DECR1: variants seen among roughly 807,000 people sequenced by gnomAD.
The protein encoded by DECR1 is 2,4-dienoyl-CoA reductase 1, also known as 2,4-dienoyl-CoA reductase [(3E)-enoyl-CoA-producing], mitochondrial.
DECR1 carries 44 observed loss-of-function variants against 38.8 expected under a neutral mutation model. The observed-to-expected ratio is 1.13, with a 90% CI of 0.89 to 1.46. The LOEUF is 1.46. Among genes scored for constraint, DECR1 ranks in the 40% most tolerant of loss-of-function variants. The pLI, the probability that DECR1 is intolerant of heterozygous loss-of-function variation, is 0.00. For synonymous variants in DECR1, 148 were observed against 135.2 expected (o/e 1.09, Z -0.66); for missense variants, 428 against 405.5 (o/e 1.06, Z -0.48).
At chr8:90,005,042 C>T (rs1392090902) in intron 1 of DECR1, among the ~76,000 whole-genome samples, 1 of 152,152 alleles carries the variant, frequency 6.6e-6, no homozygotes, top group Non-Finnish European at 1.5e-5. Context: ...CCCCAGGAGC[C>T]TGCTGTTAAA....
chr8:90,040,490 T>C (rs1243064840), intron 6 of DECR1, among the ~76,000 whole-genome samples: 2 of 152,198 alleles, frequency 1.3e-5, no homozygotes, highest in Non-Finnish European at 2.9e-5. Context: ...TTTTTAAAAT[T>C]ATACTTTAAG....
At chr8:90,050,703 T>A (rs1355902684) in intron 8 of DECR1, among the ~76,000 whole-genome samples, 1 of 152,196 alleles carries the variant, frequency 6.6e-6, no homozygotes, top group Non-Finnish European at 1.5e-5. Flanking sequence ...TAAATCATGG[T>A]GCTATAAAGA....
chr8:90,029,769 C>T (rs1038382179), intron 5 of DECR1, among the ~76,000 whole-genome samples: 3 of 152,098 alleles, frequency 2.0e-5, no homozygotes, highest in African/African-American at 7.2e-5. Context: ...TGTACTTGGC[C>T]AGTTACTCTT....
chr8:90,026,127 G>A (rs1180464720), intron 5 of DECR1, among the ~76,000 whole-genome samples: 1 of 152,206 alleles, frequency 6.6e-6, no homozygotes, highest in African/African-American at 2.4e-5. Flanking sequence ...TGGTTTGCCA[G>A]TATTTTACTG....
intron 5 of DECR1, among the ~76,000 whole-genome samples, chr8:90,028,369 C>T (rs1488359079): frequency 6.6e-6 from 1 of 151,988 alleles, no homozygotes; most frequent in Non-Finnish European, 1.5e-5. Flanking sequence ...CTAGATAAAA[C>T]TATTTTTCTT....
chr8:90,014,077 C>T (rs2130031201), intron 1 of DECR1, among the ~76,000 whole-genome samples: 1 of 152,220 alleles, frequency 6.6e-6, no homozygotes, highest in East Asian at 1.9e-4. Flanking sequence ...AGTTGGAAGA[C>T]TCTAGAAAGT....
In DECR1 at chr8:90,042,851, C is replaced by A. The variant is rs551865737; in HGVS notation, c.738+51C>A. Reference sequence around the variant, plus strand: ...CATTGTGAATGATTAAATAATGAAACACTGATAGGTATATTCTGGTTGTTG... The same window carrying A: ...CATTGTGAATGATTAAATAATGAAAAACTGATAGGTATATTCTGGTTGTTG... On this transcript the variant is annotated intron_variant, in intron 7 of 9. Coordinates refer to ENST00000220764, the MANE Select transcript of DECR1 (RefSeq NM_001359.2). The A allele has an allele frequency of 2.9e-5, 41 of 1,429,118 alleles. No individual in the cohort carries two copies. In the South Asian group the frequency reaches 4.3e-4, roughly 15 times the overall value. 88.5% of individuals were successfully genotyped at this position (1,429,118 alleles called of 1,614,324 possible).
chr8:90,023,922 GT>G (rs1480731095), intron 5 of DECR1, among the ~76,000 whole-genome samples: 1 of 152,030 alleles, frequency 6.6e-6, no homozygotes. Context: ...CTGTGTCCAA[GT>G]GTTCTTATTG....
chr8:90,023,700 A>G (rs1029675923), intron 5 of DECR1, among the ~76,000 whole-genome samples: 1 of 151,856 alleles, frequency 6.6e-6, no homozygotes, highest in Non-Finnish European at 1.5e-5. Flanking sequence ...GTTATCTTCT[A>G]TATCTAGTTT....
intron 5 of DECR1, among the ~76,000 whole-genome samples, chr8:90,025,308 T>A (rs1813302280): frequency 6.6e-6 from 1 of 152,210 alleles, no homozygotes; most frequent in Non-Finnish European, 1.5e-5. Flanking sequence ...TAAATTACCT[T>A]GGGCAGTATG....
Position 90,013,399 on chromosome 8 carries a change from G to GTTTTTTTTTTTTTTTTTTTTT in DECR1, c.70-3722_70-3702dup, listed in dbSNP as rs57505716. ...AAATAAAAGCCTTGCCTCTTCTTTC[G>GTTTTTTTTTTTTTTTTTTTTT]TTTTTTTTTTTTTTTTTTTTTTTGT... On this transcript the variant is annotated intron_variant, in intron 1 of 9. Coordinates refer to ENST00000220764, the MANE Select transcript of DECR1 (RefSeq NM_001359.2). Among the ~76,000 whole-genome samples the GTTTTTTTTTTTTTTTTTTTTT allele has an allele frequency of 4.1e-4, 32 of 77,980 alleles. 1 individual carries two copies. Among genetic ancestry groups the GTTTTTTTTTTTTTTTTTTTTT allele is most frequent in the Admixed American group, 1.1e-3 (6 of 5,440 alleles). The allele number at this position is 77,980 out of a possible 152,430, so 51.2% of individuals were successfully genotyped here.
chr8:90,051,439 A>AT, intron 8 of DECR1, among the ~76,000 whole-genome samples: 1 of 152,334 alleles, frequency 6.6e-6, no homozygotes, highest in South Asian at 2.1e-4. Flanking sequence ...CTTGGTAGAT[A>AT]TACCTTTAAG....
chr8:90,017,983 T>C (rs1813051375), intron 2 of DECR1, among the ~76,000 whole-genome samples: 1 of 152,098 alleles, frequency 6.6e-6, no homozygotes, highest in South Asian at 2.1e-4. Flanking sequence ...GCCTCCCGGG[T>C]TCAAGCAGTT....
At chr8:90,014,808 C>A (rs1419890203) in intron 1 of DECR1, among the ~76,000 whole-genome samples, 1 of 152,018 alleles carries the variant, frequency 6.6e-6, no homozygotes, top group Non-Finnish European at 1.5e-5. Flanking sequence ...TACTTAATGA[C>A]AAATTTACCA....
chr8:90,018,721 AAGTT>A (rs1281891425), intron 2 of DECR1, 184 bp from the exon 3 acceptor site: 2 of 529,502 alleles, frequency 3.8e-6, no homozygotes, highest in Admixed American at 3.4e-5. Context: ...CTAATTCAAT[AAGTT>A]AGTATCAAAT....
At chr8:90,026,106 G>A (rs547801929) in intron 5 of DECR1, among the ~76,000 whole-genome samples, 1 of 152,164 alleles carries the variant, frequency 6.6e-6, no homozygotes, top group Non-Finnish European at 1.5e-5. Context: ...TTTTTGATGT[G>A]CTGCTGGATT....
intron 1 of DECR1, chr8:90,015,546 G>T: frequency 2.5e-6 from 1 of 406,258 alleles, no homozygotes; most frequent in Middle Eastern, 3.5e-4. Context: ...TCCAGGTGAT[G>T]AACAGCCTCC....
chr8:90,051,170 T>C (rs1814078735), intron 8 of DECR1, among the ~76,000 whole-genome samples: 1 of 146,098 alleles, frequency 6.8e-6, no homozygotes, highest in Non-Finnish European at 1.5e-5. Flanking sequence ...ACTTCAAGTA[T>C]AATTAAAAAA....
rs1814144089 is a variant in DECR1 at position 90,053,528 on chromosome 8, C to T, written c.*1631C>T. The stretch of plus-strand genomic sequence containing the variant: ...CTCTCACCAAACACACAAAGACACA[C>T]TCTTTCCCTCCACTGATTCCACCAG... On this transcript the variant is annotated 3_prime_UTR_variant, in exon 10 of 10. Coordinates refer to ENST00000220764, the MANE Select transcript of DECR1 (RefSeq NM_001359.2). Among the ~76,000 whole-genome samples the T allele has an allele frequency of 6.6e-6, 1 of 152,204 alleles. No homozygotes were observed. Among genetic ancestry groups the T allele is most frequent in the Non-Finnish European group, 1.5e-5 (1 of 68,026 alleles).
Sources: allele counts gnomAD v4.1 joint callset (sites outside exome capture counted in the v4.1 genomes callset), GRCh38; gene constraint gnomAD v4.1.1; transcripts MANE v1.5; gene names NCBI Gene and HGNC (gene_info 2026-07-23, HGNC 2026-07-21).